HUWE1: variants seen among roughly 807,000 people sequenced by gnomAD.
HUWE1 encodes HECT, UBA and WWE domain containing E3 ubiquitin protein ligase 1, also known as E3 ubiquitin-protein ligase HUWE1.
Under a neutral mutation model 299.4 loss-of-function variants are expected in HUWE1, and 18 were observed. That is an observed-to-expected ratio of 0.06 (90% CI 0.04 to 0.09). The LOEUF is 0.09. Among genes scored for constraint, HUWE1 ranks in the 10% least tolerant of loss-of-function variants. The probability of loss-of-function intolerance (pLI) is 1.00; values close to 1 mark genes in which losing one functional copy is unlikely to be tolerated. For missense variants in HUWE1, 1,832 were observed against 3,462.3 expected (o/e 0.53, Z 11.82); for synonymous variants, 1,317 against 1,286.1 (o/e 1.02, Z -0.51).
At chrX:53,676,338 G>C (rs2069820213) in intron 3 of HUWE1, among the ~76,000 whole-genome samples, 1 of 111,358 alleles carries the variant, frequency 9.0e-6, no homozygotes, top group African/African-American at 3.3e-5. Flanking sequence ...GACAGACCTA[G>C]TAAGTGGCCA....
chrX:53,682,318 T>C (rs1381669538), intron 2 of HUWE1, among the ~76,000 whole-genome samples: 2 of 112,050 alleles, frequency 1.8e-5, no homozygotes, highest in African/African-American at 6.5e-5. Flanking sequence ...CAAGGTTCAA[T>C]GTGAACCCAA....
rs1413643399 is a variant in HUWE1, at chrX:53,682,172, TTTA to T, written c.-162-1989_-162-1987del. On this transcript the variant is annotated intron_variant, in intron 2 of 83. Coordinates refer to ENST00000262854, the MANE Select transcript of HUWE1 (RefSeq NM_031407.7). ...TTCTTACACCAAAAAGTAATCCTAA[TTTA>T]TTATGTGCCTACCATGAGCTAAACA... 3.6e-5 allele frequency among the ~76,000 whole-genome samples: 4 copies of T among 112,304 alleles called. No homozygotes were observed. In the East Asian group the frequency reaches 1.1e-3, roughly 31 times the overall value.
At chrX:53,546,933 A>G (rs1556923527) in intron 68 of HUWE1, 108 bp from the exon 69 acceptor site, 1 of 1,000,445 alleles carries the variant, frequency 1.0e-6, no homozygotes, top group Non-Finnish European at 1.4e-6. Context: ...CAAAATGGGA[A>G]AGTACTGAAA....
intron 60 of HUWE1, among the ~76,000 whole-genome samples, chrX:53,555,160 A>G (rs1174412253): frequency 9.0e-6 from 1 of 111,708 alleles, no homozygotes; most frequent in Admixed American, 9.5e-5. Context: ...TTCTAAGAAT[A>G]AAATCCTTTC....
chrX:53,615,674 G>A, intron 22 of HUWE1, 70 bp downstream of exon 22: 3 of 811,047 alleles, frequency 3.7e-6, no homozygotes, highest in South Asian at 2.1e-5. Context: ...ACCTCTAGTA[G>A]GCCAATCTTC....
Position 53,584,101 on chromosome X carries a change from T to C in HUWE1, c.5161+85A>G, listed in dbSNP as rs1486604380. 4.3e-6 allele frequency: 4 copies of C among 932,623 alleles called. No homozygotes were observed. In the African/African-American group the frequency reaches 5.8e-5, roughly 14 times the overall value. 76.9% of individuals were successfully genotyped at this position (932,623 alleles called of 1,213,427 possible). On this transcript the variant is annotated intron_variant, in intron 41 of 83. Coordinates refer to ENST00000262854, the MANE Select transcript of HUWE1 (RefSeq NM_031407.7). ...CGTATCTTTAATCTGTTAATCAAGCTGATGAAAATAACTCACAATGAAATT... is the reference window on the plus strand; with the variant it reads ...CGTATCTTTAATCTGTTAATCAAGCCGATGAAAATAACTCACAATGAAATT...
intron 48 of HUWE1, 30 bp downstream of exon 48, chrX:53,569,586 T>C: frequency 8.5e-7 from 1 of 1,171,962 alleles, no homozygotes; most frequent in Non-Finnish European, 1.2e-6. Context: ...TGTTCTTGGC[T>C]ATTAGCCCTG....
chrX:53,654,576 T>C (rs1262051569), intron 3 of HUWE1, among the ~76,000 whole-genome samples: 6 of 111,509 alleles, frequency 5.4e-5, no homozygotes, highest in Admixed American at 4.8e-4. Flanking sequence ...TGCATGACCA[T>C]GTATAATAGT....
At chrX:53,634,762 CCTCT>C (rs200367182) in intron 7 of HUWE1, among the ~76,000 whole-genome samples, 1 of 112,441 alleles carries the variant, frequency 8.9e-6, no homozygotes, top group Non-Finnish European at 1.9e-5. Flanking sequence ...CTTTCCAGTT[CCTCT>C]CTTTTTGACA....
At chrX:53,553,229 C>T (rs1370859692) in intron 61 of HUWE1, among the ~76,000 whole-genome samples, 2 of 109,555 alleles carry the variant, frequency 1.8e-5, no homozygotes, top group East Asian at 3.0e-4. Flanking sequence ...CTGCAATCTC[C>T]GCCTCCTGGG....
At chrX:53,628,305 G>A (rs963773950) in intron 15 of HUWE1, among the ~76,000 whole-genome samples, 188 bp downstream of exon 15, 2 of 110,855 alleles carry the variant, frequency 1.8e-5, no homozygotes, top group Admixed American at 1.9e-4. Context: ...AATGGAAGTA[G>A]CTGCTCTTAA....
At chrX:53,626,387 CAA>C (rs1280873638) in intron 17 of HUWE1, among the ~76,000 whole-genome samples, 9 of 110,125 alleles carry the variant, frequency 8.2e-5, no homozygotes, top group African/African-American at 2.3e-4. Flanking sequence ...TACAGCTTTT[CAA>C]AAGAGTAATT....
intron 23 of HUWE1, among the ~76,000 whole-genome samples, chrX:53,609,672 T>C (rs782331977): frequency 1.2e-4 from 14 of 112,233 alleles, no homozygotes; most frequent in African/African-American, 4.5e-4. Context: ...AATCAAAATA[T>C]ACCTCTAAGA....
Position 53,576,573 on chromosome X carries a change from G to A in HUWE1, c.5884+327C>T, listed in dbSNP as rs1213237588. Among the ~76,000 whole-genome samples, 9 of 111,718 alleles carry A rather than the reference G, an allele frequency of 8.1e-5. No individual in the cohort carries two copies. In the East Asian group the frequency reaches 2.0e-3, roughly 24 times the overall value. ...CTAAATCTTTGTTCATTCTTCCCCC[G>A]TATGGTGTGTATTCTCATATAACAG... On this transcript the variant is annotated intron_variant, in intron 44 of 83. Transcript: ENST00000262854.
intron 39 of HUWE1, among the ~76,000 whole-genome samples, chrX:53,585,408 T>C (rs782386940): frequency 4.3e-4 from 48 of 112,513 alleles, no homozygotes; most frequent in Non-Finnish European, 7.1e-4. Context: ...AGTTCAGGTG[T>C]TGAAAACTTA....
chrX:53,679,984 C>A (rs1394069199), intron 3 of HUWE1, 65 bp downstream of exon 3: 1 of 294,594 alleles, frequency 3.4e-6, no homozygotes, highest in African/African-American at 2.8e-5. Context: ...AATACATCCA[C>A]CCCTACTATC....
intron 24 of HUWE1, 53 bp from the exon 25 acceptor site, chrX:53,607,752 T>C: frequency 1.2e-6 from 1 of 819,922 alleles, no homozygotes; most frequent in Non-Finnish European, 1.8e-6. Flanking sequence ...TGGAACTAAA[T>C]GGCCAGCCTG....
chrX:53,592,056 G>A (rs186934951), intron 33 of HUWE1, among the ~76,000 whole-genome samples: 180 of 112,027 alleles, frequency 1.6e-3, no homozygotes, highest in Non-Finnish European at 2.4e-3. Flanking sequence ...TAAGGTTTCA[G>A]AAAGCTCTTG....
chrX:53,647,225 AC>A, intron 6 of HUWE1, 142 bp downstream of exon 6: 1 of 515,616 alleles, frequency 1.9e-6, no homozygotes, highest in East Asian at 3.6e-5. Context: ...TATCCAAGAA[AC>A]ATTCTACTAT....
Sources: gnomAD v4.1 joint callset for allele counts (sites outside exome capture counted in the v4.1 genomes callset) on GRCh38, gnomAD v4.1.1 for gene constraint, MANE v1.5 for transcripts, NCBI Gene and HGNC (gene_info 2026-07-23, HGNC 2026-07-21) for gene names.